The following PMFBP1 variants were observed in gnomAD, a reference collection of about 807,000 sequenced individuals.
The protein encoded by PMFBP1 is polyamine modulated factor 1 binding protein 1.
A neutral mutation model predicts 137.8 loss-of-function variants in PMFBP1; 131 were observed. That is an observed-to-expected ratio of 0.95 (90% CI 0.82 to 1.10). The LOEUF is 1.10. Among genes scored for constraint, PMFBP1 ranks in the 50% least tolerant of loss-of-function variants. The pLI is 0.00. For synonymous variants in PMFBP1, 490 were observed against 450.4 expected (o/e 1.09, Z -1.11); for missense variants, 1,199 against 1,175.4 (o/e 1.02, Z -0.29).
chr16:72,175,500 G>A (rs1287947603), upstream of PMFBP1, among the ~76,000 whole-genome samples: 1 of 152,282 alleles, frequency 6.6e-6, no homozygotes, highest in East Asian at 1.9e-4. Flanking sequence ...CTGGGTATAT[G>A]GTTGACTCCT....
chr16:72,130,987 G>C (rs1162888053), intron 10 of PMFBP1, among the ~76,000 whole-genome samples: 2 of 152,088 alleles, frequency 1.3e-5, no homozygotes, highest in African/African-American at 4.8e-5. Flanking sequence ...TCTGTCACTG[G>C]GGACAAATCC....
the PMFBP1 span, among the ~76,000 whole-genome samples, chr16:72,234,890 A>C: frequency 6.6e-6 from 1 of 152,158 alleles, no homozygotes; most frequent in Non-Finnish European, 1.5e-5. Context: ...AAATTGAATT[A>C]CTTGTCTTTT....
chr16:72,200,584 A>G, the PMFBP1 span, among the ~76,000 whole-genome samples: 1 of 152,264 alleles, frequency 6.6e-6, no homozygotes, highest in Non-Finnish European at 1.5e-5. Flanking sequence ...GTCAGGAAAA[A>G]GCAGAAGCAT....
the PMFBP1 span, among the ~76,000 whole-genome samples, chr16:72,249,151 T>C: frequency 6.6e-6 from 1 of 152,166 alleles, no homozygotes; most frequent in African/African-American, 2.4e-5. Flanking sequence ...AAGGATTAGA[T>C]ATGTGGTTTA....
the PMFBP1 span, among the ~76,000 whole-genome samples, chr16:72,245,131 G>C: frequency 1.3e-5 from 2 of 152,170 alleles, no homozygotes; most frequent in Non-Finnish European, 2.9e-5. Flanking sequence ...GGTAATGTTA[G>C]CACTGGGGGG....
intron 9 of PMFBP1, among the ~76,000 whole-genome samples, chr16:72,135,034 C>T (rs1182158982): frequency 3.3e-5 from 5 of 152,114 alleles, no homozygotes; most frequent in Admixed American, 2.6e-4. Context: ...AGTGAATATA[C>T]GAATAACTCA....
At chr16:72,156,389 TG>T (rs2042980925) in intron 3 of PMFBP1, among the ~76,000 whole-genome samples, 1 of 151,914 alleles carries the variant, frequency 6.6e-6, no homozygotes, top group African/African-American at 2.4e-5. Flanking sequence ...GAGGCCGACG[TG>T]GGTGGATCAT....
intron 5 of PMFBP1, among the ~76,000 whole-genome samples, chr16:72,141,335 C>T (rs1287306876): frequency 6.6e-6 from 1 of 152,132 alleles, no homozygotes; most frequent in South Asian, 2.1e-4. Flanking sequence ...CTATCTTACT[C>T]CTCTTTTAAA....
chr16:72,149,596 G>GTGGA (rs1167959180), intron 5 of PMFBP1, among the ~76,000 whole-genome samples: 3 of 152,176 alleles, frequency 2.0e-5, no homozygotes, highest in Non-Finnish European at 4.4e-5. Flanking sequence ...GCTGAGGTGA[G>GTGGA]TGGATCACAC....
chr16:72,228,136 G>A, the PMFBP1 span, among the ~76,000 whole-genome samples: 1 of 152,102 alleles, frequency 6.6e-6, no homozygotes, highest in East Asian at 1.9e-4. Flanking sequence ...CAGGCAACTT[G>A]GGTTGTGGCA....
At chr16:72,144,240 C>T (rs757330770) in intron 5 of PMFBP1, among the ~76,000 whole-genome samples, 15 of 151,864 alleles carry the variant, frequency 9.9e-5, no homozygotes, top group Non-Finnish European at 2.2e-4. Flanking sequence ...TGCTAATTTC[C>T]CCCAAATTAG....
chr16:72,246,435 C>T, the PMFBP1 span, among the ~76,000 whole-genome samples: 1 of 152,068 alleles, frequency 6.6e-6, no homozygotes, highest in Non-Finnish European at 1.5e-5. Flanking sequence ...AAATTCCAGA[C>T]ACCTGGACAA....
At chr16:72,211,082 C>G in the PMFBP1 span, among the ~76,000 whole-genome samples, 1 of 152,190 alleles carries the variant, frequency 6.6e-6, no homozygotes, top group Admixed American at 6.5e-5. Flanking sequence ...AAAAGAGATT[C>G]TACAATGCAC....
chr16:72,154,323 G>C lies in PMFBP1; in HGVS notation c.302C>G (p.Thr101Arg), dbSNP rs1421289065. ...ATAGTAAGAAGTCTGCAACTCCTCT[G>C]TGTGAAACTCCAGTTCTTGTTGAAG... ...LVLQQELEFH[T>R]EELQTSYYSL... Residue 101 changes from threonine to arginine, a missense_variant, in exon 4 of 21, where the codon ACA becomes AGA. Physicochemically the swap from Thr to Arg is moderately conservative, Grantham distance 71. Coordinates refer to ENST00000237353, the MANE Select transcript of PMFBP1 (RefSeq NM_031293.3). The C allele has an allele frequency of 3.1e-6, 5 of 1,614,172 alleles. No individual in the cohort carries two copies. In the South Asian group the frequency reaches 5.5e-5, roughly 18 times the overall value.
intron 3 of PMFBP1, among the ~76,000 whole-genome samples, chr16:72,155,179 T>C (rs2042963295): frequency 6.6e-6 from 1 of 152,178 alleles, no homozygotes; most frequent in African/African-American, 2.4e-5. Context: ...GGTATTCTGC[T>C]GGTAGGACAC....
intron 9 of PMFBP1, among the ~76,000 whole-genome samples, chr16:72,135,362 T>TG (rs1567626185): frequency 7.9e-6 from 1 of 126,044 alleles, no homozygotes; most frequent in Non-Finnish European, 1.8e-5. Flanking sequence ...TGTGTGTGTT[T>TG]TTTTTTTTTT....
At position 72,119,194 on chromosome 16, in the gene PMFBP1, A is replaced by G; in HGVS notation, c.*144T>C. The G allele has an allele frequency of 2.1e-6, 2 of 930,802 alleles. No individual in the cohort carries two copies. Among genetic ancestry groups the G allele is most frequent in the Non-Finnish European group, 3.4e-6 (2 of 596,368 alleles). The allele number at this position is 930,802 out of a possible 1,614,324, so 57.7% of individuals were successfully genotyped here. Reference sequence around the variant, plus strand: ...TGGCAGGAAGTGGACAAAACTCAACAAAAGTTAGTGTCTTGCAAAATAGGC... The same window carrying G: ...TGGCAGGAAGTGGACAAAACTCAACGAAAGTTAGTGTCTTGCAAAATAGGC... On this transcript the variant is annotated 3_prime_UTR_variant, in exon 21 of 21. Coordinates refer to ENST00000237353, the MANE Select transcript of PMFBP1 (RefSeq NM_031293.3).
chr16:72,225,019 C>G, the PMFBP1 span: 1 of 152,118 alleles, frequency 6.6e-6, no homozygotes, highest in Non-Finnish European at 1.5e-5. Context: ...GCATGTAGTT[C>G]TATCTTTAAT....
At chr16:72,187,375 G>C in the PMFBP1 span, among the ~76,000 whole-genome samples, 1 of 152,098 alleles carries the variant, frequency 6.6e-6, no homozygotes, top group Non-Finnish European at 1.5e-5. Context: ...CAAGTCATAG[G>C]GATGGGGAAG....
Sources: gnomAD v4.1 joint callset for allele counts (sites outside exome capture counted in the v4.1 genomes callset) on GRCh38, gnomAD v4.1.1 for gene constraint, MANE v1.5 for transcripts, NCBI Gene and HGNC (gene_info 2026-07-23, HGNC 2026-07-21) for gene names.